SLC61A1: variants seen among roughly 807,000 people sequenced by gnomAD.
The protein encoded by SLC61A1 is solute carrier family 61 member 1, also known as major facilitator superfamily domain containing 5.
At chr12:53,252,460 G>C in the SLC61A1 span, 8 of 1,293,778 alleles carry the variant, frequency 6.2e-6, no homozygotes, top group Non-Finnish European at 4.9e-6. Flanking sequence ...AGGGCAAAAA[G>C]AGGCTCCGCA....
chr12:53,253,271 T>G, the SLC61A1 span: 2 of 1,614,262 alleles, frequency 1.2e-6, no homozygotes, highest in Admixed American at 3.3e-5. Flanking sequence ...CCTGCTCTTC[T>G]CAGCCTTCGA....
At chr12:53,252,088 C>A in the SLC61A1 span, 1 of 1,459,696 alleles carries the variant, frequency 6.9e-7, no homozygotes. Context: ...GGCGCCGCGC[C>A]CCCGTCACGT....
chr12:53,252,053 G>A, the SLC61A1 span: 13 of 1,470,404 alleles, frequency 8.8e-6, no homozygotes, highest in Non-Finnish European at 1.2e-5. Flanking sequence ...AAGGAGGGCG[G>A]GCGGGCGGGG....
At chr12:53,253,661 C>G in the SLC61A1 span, 291 of 1,613,976 alleles carry the variant, frequency 1.8e-4, no homozygotes, top group Non-Finnish European at 2.2e-4. Context: ...TGTGCTGGAC[C>G]CACACGGGGC....
chr12:53,252,370 G>A, the SLC61A1 span: 1 of 1,327,842 alleles, frequency 7.5e-7, no homozygotes, highest in Non-Finnish European at 9.6e-7. Flanking sequence ...GGGCCTCTGA[G>A]ATGCACACGC....
chr12:53,252,373 G>A, the SLC61A1 span: 1 of 1,322,952 alleles, frequency 7.6e-7, no homozygotes. Flanking sequence ...CCTCTGAGAT[G>A]CACACGCATG....
chr12:53,252,448 T>A, the SLC61A1 span: 1 of 1,285,568 alleles, frequency 7.8e-7, no homozygotes, highest in Non-Finnish European at 9.9e-7. Context: ...GATGAGACAC[T>A]GAGGGCAAAA....
At chr12:53,253,054 G>A in the SLC61A1 span, 1 of 1,614,224 alleles carries the variant, frequency 6.2e-7, no homozygotes, top group Non-Finnish European at 8.5e-7. Context: ...ACTACTTCCT[G>A]GAAGGTCAAA....
At chr12:53,253,155 C>T in the SLC61A1 span, 10 of 1,614,264 alleles carry the variant, frequency 6.2e-6, no homozygotes, top group Non-Finnish European at 7.6e-6. Context: ...CGCAAGAATT[C>T]TTGTGTCCTC....
the SLC61A1 span, chr12:53,252,439 A>T: frequency 1.6e-6 from 2 of 1,290,042 alleles, no homozygotes; most frequent in Non-Finnish European, 9.8e-7. Flanking sequence ...GGGACAGAGG[A>T]TGAGACACTG....
chr12:53,253,636 C>T, the SLC61A1 span: 1 of 1,614,084 alleles, frequency 6.2e-7, no homozygotes, highest in Non-Finnish European at 8.5e-7. Flanking sequence ...TCATCTTTGT[C>T]TTCCTCTGGA....
chr12:53,252,876 C>T, the SLC61A1 span: 5 of 1,614,046 alleles, frequency 3.1e-6, no homozygotes, highest in South Asian at 1.1e-5. Flanking sequence ...GGCCTCCTGG[C>T]CTCCTGCCTG....
the SLC61A1 span, chr12:53,253,081 C>T: frequency 1.9e-6 from 3 of 1,614,266 alleles, no homozygotes; most frequent in East Asian, 2.2e-5. Flanking sequence ...TCCTCTATGT[C>T]TGTGGCCTTG....
chr12:53,253,627 C>G, the SLC61A1 span: 17 of 1,613,952 alleles, frequency 1.1e-5, no homozygotes, highest in South Asian at 1.6e-4. Flanking sequence ...GTGTCATCTT[C>G]ATCTTTGTCT....
At chr12:53,252,331 G>A in the SLC61A1 span, 2 of 1,357,832 alleles carry the variant, frequency 1.5e-6, no homozygotes, top group Non-Finnish European at 1.9e-6. Flanking sequence ...GCTAGGGGGC[G>A]CAGTGGGGTG....
chr12:53,253,856 G>T, the SLC61A1 span: 4 of 1,614,084 alleles, frequency 2.5e-6, no homozygotes, highest in African/African-American at 5.3e-5. Context: ...GGAGAGTCCG[G>T]TGGAGTCCTT....
At chr12:53,253,556 C>T in the SLC61A1 span, 42 of 1,613,904 alleles carry the variant, frequency 2.6e-5, no homozygotes, top group East Asian at 5.3e-4. Flanking sequence ...TGGAGGCCTG[C>T]GCTGCCTCCT....
the SLC61A1 span, chr12:53,252,601 C>T: frequency 7.9e-6 from 10 of 1,267,102 alleles, no homozygotes; most frequent in African/African-American, 4.5e-5. Context: ...GCCCAGTCCT[C>T]TCCCCTGTCT....
chr12:53,252,231 G>T, the SLC61A1 span: 13 of 1,413,216 alleles, frequency 9.2e-6, no homozygotes, highest in East Asian at 3.6e-4. Flanking sequence ...GCCTGGAGCC[G>T]GACGTGTCCG....
Sources: allele counts gnomAD v4.1 joint callset, GRCh38; gene constraint gnomAD v4.1.1; transcripts MANE v1.5; gene names NCBI Gene and HGNC (gene_info 2026-07-23, HGNC 2026-07-21).